Variants in PACS2 observed in about 807,000 individuals in gnomAD.
PACS2 encodes the protein PACS1-like protein.
A neutral mutation model predicts 113.0 loss-of-function variants in PACS2; 36 were observed. The observed-to-expected ratio is 0.32, with a 90% confidence interval of 0.24 to 0.42. PACS2 has a LOEUF of 0.42. Among genes scored for constraint, PACS2 ranks in the 10% least tolerant of loss-of-function variants. The probability of loss-of-function intolerance (pLI) is 1.00; values close to 1 mark genes in which losing one functional copy is unlikely to be tolerated. For missense variants in PACS2, 1,015 were observed against 1,239.5 expected, an observed-to-expected ratio of 0.82 and a Z score of 2.72; for synonymous variants, 589 against 536.1, an observed-to-expected ratio of 1.10 and a Z score of -1.36.
At chr14:105,380,454 G>A (rs2080947143) in intron 11 of PACS2, among the ~76,000 whole-genome samples, 1 of 149,510 alleles carries the variant, frequency 6.7e-6, no homozygotes, top group African/African-American at 2.5e-5. Flanking sequence ...TCAGGGTCAG[G>A]GCAGCTGGAC....
rs866811814 is a variant in PACS2 at position 105,330,528 on chromosome 14, C to T, written c.119+15491C>T. On this transcript the variant is annotated intron_variant, in intron 1 of 24. Coordinates refer to ENST00000447393, the MANE Select transcript of PACS2 (RefSeq NM_001100913.3). This position sits in a 1 kb window ranked among gnomAD's most constrained non-coding sequence, Gnocchi z 6.9. ...CTCACCTCCTGGGAGGGAGTGGGGC[C>T]GCAGCCAGCCCTGACCCAGCTGGGT... 1.5e-4 allele frequency among the ~76,000 whole-genome samples: 23 copies of T among 152,176 alleles called. 1 individual carries two copies. Among genetic ancestry groups the T allele is most frequent in the Admixed American group, 1.3e-3 (20 of 15,280 alleles).
chr14:105,391,579 C>T, intron 21 of PACS2, 52 bp from the exon 22 acceptor site: 3 of 1,570,712 alleles, frequency 1.9e-6, no homozygotes, highest in Non-Finnish European at 2.6e-6. Flanking sequence ...CCTGGTGGCA[C>T]CCGGGCAGAG....
At chr14:105,302,182 C>A (rs1164167379) in intron 1 of PACS2, among the ~76,000 whole-genome samples, 1 of 151,108 alleles carries the variant, frequency 6.6e-6, no homozygotes, top group African/African-American at 2.4e-5. Context: ...ATGCGGAAGA[C>A]CCCACCCTCT....
At chr14:105,350,582 T>A (rs1486603302) in intron 2 of PACS2, among the ~76,000 whole-genome samples, 2 of 151,358 alleles carry the variant, frequency 1.3e-5, no homozygotes, top group African/African-American at 4.9e-5. Flanking sequence ...TCACCCCAGC[T>A]CCTCATCTGC....
intron 9 of PACS2, among the ~76,000 whole-genome samples, chr14:105,379,449 T>G (rs1327419444): frequency 6.6e-6 from 1 of 152,328 alleles, no homozygotes; most frequent in Middle Eastern, 3.4e-3. Context: ...GGCTGCGAGT[T>G]TCAGGGGTGT....
rs997529515 is a variant in PACS2, at chr14:105,360,139, A to G, written c.423+4962A>G. 5.3e-5 allele frequency among the ~76,000 whole-genome samples: 8 copies of G among 152,340 alleles called. 1 individual carries two copies. In the South Asian group the frequency reaches 1.7e-3, roughly 32 times the overall value. ...ATATTGAAATAAAGTGAGTCACACA[A>G]ATTTCGTGGTTTTTCAGTGCATATA... On this transcript the variant is annotated intron_variant, in intron 4 of 24. Transcript: ENST00000447393.
intron 1 of PACS2, among the ~76,000 whole-genome samples, chr14:105,332,915 C>T (rs1258268104): frequency 1.3e-5 from 2 of 152,176 alleles, no homozygotes; most frequent in Non-Finnish European, 2.9e-5. Context: ...CAGTCTCATG[C>T]CCCCACCGCC....
At position 105,317,400 on chromosome 14, in the gene PACS2, G is replaced by C. The variant is rs1395345170; in HGVS notation, c.119+2363G>C. Among the ~76,000 whole-genome samples, 2 of 152,198 alleles carry C rather than the reference G, an allele frequency of 1.3e-5. No homozygotes were observed. Among genetic ancestry groups the C allele is most frequent in the African/African-American group, 4.8e-5 (2 of 41,460 alleles). On this transcript the variant is annotated intron_variant, in intron 1 of 24. Coordinates refer to ENST00000447393, the MANE Select transcript of PACS2 (RefSeq NM_001100913.3). The surrounding 1 kb of genome is among the most constrained non-coding windows in gnomAD (Gnocchi z 4.2). ...GGGTGTGCACGCACTCAGCGTTACT[G>C]CTGGGCAGTTTTCCAGAGTGGTTGT...
intron 1 of PACS2, among the ~76,000 whole-genome samples, chr14:105,320,351 A>T (rs1332514611): frequency 1.3e-5 from 2 of 151,950 alleles, no homozygotes; most frequent in Non-Finnish European, 2.9e-5. Context: ...CTTTTTAAAA[A>T]TTGGTGGATA....
intron 8 of PACS2, chr14:105,370,988 A>T (rs1402806278): frequency 1.3e-5 from 2 of 152,300 alleles, no homozygotes; most frequent in African/African-American, 4.8e-5. Context: ...CACTGCCTGT[A>T]GATGGCGCTG....
At chr14:105,322,014 C>T (rs190782444) in intron 1 of PACS2, among the ~76,000 whole-genome samples, 1 of 151,880 alleles carries the variant, frequency 6.6e-6, no homozygotes, top group East Asian at 1.9e-4. Context: ...TCTTGGCTCA[C>T]TGCAACCTCT....
intron 19 of PACS2, chr14:105,389,451 A>G (rs2081284020): frequency 5.8e-6 from 1 of 171,612 alleles, no homozygotes; most frequent in Non-Finnish European, 1.3e-5. Flanking sequence ...TTACCCAGAT[A>G]GTCTGGAGAA....
At chr14:105,346,400 A>C (rs1555402583) in intron 1 of PACS2, among the ~76,000 whole-genome samples, 1 of 151,844 alleles carries the variant, frequency 6.6e-6, no homozygotes, top group Non-Finnish European at 1.5e-5. Context: ...GATGGCTGTC[A>C]GGCACTGCTC....
rs752522458 is a variant in PACS2, at chr14:105,309,302, A to G, written c.-83+8323A>G. ...AGGGGAGAGTTTTATTCCTGAATCC[A>G]GGTCATGCTGTGTTCAACTTTACAC... is the stretch of plus-strand genomic sequence containing the variant. On this transcript the variant is annotated intron_variant, in intron 1 of 23. Coordinates refer to the PACS2 transcript ENST00000430725. The surrounding 1 kb of genome is among the most constrained non-coding windows in gnomAD (Gnocchi z 4.0). Among the ~76,000 whole-genome samples, 1 of 152,230 alleles carries G rather than the reference A, an allele frequency of 6.6e-6. No homozygotes were observed. Among genetic ancestry groups the G allele is most frequent in the Non-Finnish European group, 1.5e-5 (1 of 68,054 alleles).
intron 1 of PACS2, among the ~76,000 whole-genome samples, chr14:105,332,337 C>G (rs2140913270): frequency 6.6e-6 from 1 of 152,318 alleles, no homozygotes; most frequent in Admixed American, 6.5e-5. Flanking sequence ...ATGTTGCTGG[C>G]TAGTCCCAGA....
intron 1 of PACS2, among the ~76,000 whole-genome samples, chr14:105,304,472 G>A (rs909344577): frequency 3.3e-5 from 5 of 152,028 alleles, no homozygotes; most frequent in Admixed American, 6.6e-5. Context: ...TGGACGACAA[G>A]AGTGAAACTC....
chr14:105,330,442 A>G lies in PACS2; in HGVS notation c.119+15405A>G, dbSNP rs1413016906. ...GCTCACTATAGTGATGTCCTGCCTT[A>G]GACGAGGTCACACAGGGGAAGGTTA... On this transcript the variant is annotated intron_variant, in intron 1 of 24. Transcript: ENST00000447393. This position sits in a 1 kb window ranked among gnomAD's most constrained non-coding sequence, Gnocchi z 6.9. Among the ~76,000 whole-genome samples, 1 of 152,186 alleles carries G rather than the reference A, an allele frequency of 6.6e-6. No homozygotes were observed. Among genetic ancestry groups the G allele is most frequent in the Non-Finnish European group, 1.5e-5 (1 of 68,022 alleles).
In PACS2 at chr14:105,324,535, G is replaced by A. The variant is rs2059021925; in HGVS notation, c.119+9498G>A. On this transcript the variant is annotated intron_variant, in intron 1 of 24. Transcript: ENST00000447393. This position sits in a 1 kb window ranked among gnomAD's most constrained non-coding sequence, Gnocchi z 4.7. ...GGCTCAGCAGCTGCTCTGAGAGGCA[G>A]CCCTAAAAATAGCCGAGCGCTGAGA... 1.3e-5 allele frequency among the ~76,000 whole-genome samples: 2 copies of A among 152,150 alleles called. No homozygotes were observed. Among genetic ancestry groups the A allele is most frequent in the African/African-American group, 2.4e-5 (1 of 41,440 alleles).
chr14:105,348,839 G>A lies in PACS2; in HGVS notation c.207+259G>A, dbSNP rs1246802917. 2.3e-5 allele frequency: 10 copies of A among 439,646 alleles called. No homozygotes were observed. The highest frequency in any genetic ancestry group is 6.1e-5 in the African/African-American group (3 of 49,206). 27.2% of individuals were successfully genotyped at this position (439,646 alleles called of 1,614,324 possible). A position where few individuals can be genotyped will look rare whatever the true frequency, so the allele number is the denominator to read the frequency against. On this transcript the variant is annotated intron_variant, in intron 2 of 24. Coordinates refer to ENST00000447393, the MANE Select transcript of PACS2 (RefSeq NM_001100913.3). This position sits in a 1 kb window ranked among gnomAD's most constrained non-coding sequence, Gnocchi z 6.4. ...GCCTTCCCAGGGCAGAGCTGCCCTC[G>A]AGTCACCTCACAGTGATGGACGGGC...
Sources: gnomAD v4.1 joint callset for allele counts (sites outside exome capture counted in the v4.1 genomes callset) on GRCh38, gnomAD v4.1.1 for gene constraint, Gnocchi (gnomAD v3.1) non-coding constraint, MANE v1.5 for transcripts, NCBI Gene and HGNC (gene_info 2026-07-23, HGNC 2026-07-21) for gene names.